ANKS1B: variants seen among roughly 807,000 people sequenced by gnomAD.
ANKS1B encodes ankyrin repeat and sterile alpha motif domain containing 1B.
Under a neutral mutation model 148.3 loss-of-function variants are expected in ANKS1B, and 36 were observed. That is an observed-to-expected ratio of 0.24 (90% confidence interval 0.19 to 0.32). The LOEUF is 0.32. Ranked by LOEUF, ANKS1B falls within the 10% of genes least tolerant of loss-of-function variation. The pLI, the probability that ANKS1B is intolerant of heterozygous loss-of-function variation, is 1.00. For missense variants in ANKS1B, 1,157 were observed against 1,542.6 expected (o/e 0.75, Z 4.19); for synonymous variants, 542 against 560.8 (o/e 0.97, Z 0.47).
chr12:99,388,547 T>C (rs2093958152), intron 12 of ANKS1B, among the ~76,000 whole-genome samples: 1 of 152,100 alleles, frequency 6.6e-6, no homozygotes, highest in Admixed American at 6.5e-5. Flanking sequence ...GAGCATGGGA[T>C]ATGTTTGTTT....
chr12:99,425,786 C>G (rs1234167624), intron 11 of ANKS1B, among the ~76,000 whole-genome samples: 2 of 151,710 alleles, frequency 1.3e-5, no homozygotes, highest in Non-Finnish European at 2.9e-5. Context: ...TTCTTTGTGG[C>G]CTTCTAAGAG....
chr12:99,107,491 A>G (rs2059464651), intron 15 of ANKS1B, among the ~76,000 whole-genome samples: 1 of 152,240 alleles, frequency 6.6e-6, no homozygotes, highest in Admixed American at 6.5e-5. Context: ...TGGGGTATCC[A>G]TTTCTATAAA....
chr12:99,550,048 A>T (rs867911922), intron 9 of ANKS1B, among the ~76,000 whole-genome samples: 48 of 151,816 alleles, frequency 3.2e-4, no homozygotes, highest in Non-Finnish European at 1.9e-4. Context: ...TGTCCAATAA[A>T]CCTGTGTTGT....
intron 12 of ANKS1B, among the ~76,000 whole-genome samples, chr12:99,317,877 G>A (rs544930079): frequency 1.2e-4 from 19 of 152,198 alleles, no homozygotes; most frequent in Admixed American, 2.6e-4. Context: ...AGCATGAAGC[G>A]TTGTTGAATT....
intron 9 of ANKS1B, among the ~76,000 whole-genome samples, chr12:99,557,660 T>TGTCATTTCA (rs2097291587): frequency 6.6e-6 from 1 of 152,212 alleles, no homozygotes; most frequent in African/African-American, 2.4e-5. Flanking sequence ...ATTCTATGTC[T>TGTCATTTCA]GTCATTTCAG....
chr12:99,124,864 CAT>C (rs1487265133), intron 15 of ANKS1B, among the ~76,000 whole-genome samples: 2 of 152,020 alleles, frequency 1.3e-5, no homozygotes, highest in African/African-American at 4.8e-5. Context: ...GATGATAGGT[CAT>C]ATAAAATGAG....
intron 1 of ANKS1B, among the ~76,000 whole-genome samples, chr12:99,921,671 A>G (rs1030044412): frequency 6.6e-6 from 1 of 152,166 alleles, no homozygotes; most frequent in African/African-American, 2.4e-5. Context: ...ATGAACAGAA[A>G]AAAATCTGTT....
At chr12:99,898,882 T>C (rs2153762906) in intron 1 of ANKS1B, among the ~76,000 whole-genome samples, 1 of 152,330 alleles carries the variant, frequency 6.6e-6, no homozygotes, top group Non-Finnish European at 1.5e-5. Flanking sequence ...TTCACATTTA[T>C]TTAGGCTTTC....
At chr12:99,709,985 A>ATG (rs1214420644) in intron 8 of ANKS1B, among the ~76,000 whole-genome samples, 1 of 152,144 alleles carries the variant, frequency 6.6e-6, no homozygotes, top group Non-Finnish European at 1.5e-5. Context: ...TCATCCTCAG[A>ATG]TGTAGCCTTA....
At chr12:99,665,519 G>A (rs965823901) in intron 8 of ANKS1B, among the ~76,000 whole-genome samples, 1 of 149,840 alleles carries the variant, frequency 6.7e-6, no homozygotes, top group African/African-American at 2.5e-5. Context: ...GTATCACTCT[G>A]TTGCCCAGGC....
intron 1 of ANKS1B, among the ~76,000 whole-genome samples, chr12:99,876,953 C>T (rs1354461532): frequency 3.3e-5 from 5 of 152,172 alleles, no homozygotes; most frequent in African/African-American, 1.2e-4. Context: ...TCAAGGTTCT[C>T]TCAGTCCCAG....
chr12:99,791,495 C>T (rs2065647706), intron 4 of ANKS1B, among the ~76,000 whole-genome samples: 1 of 151,800 alleles, frequency 6.6e-6, no homozygotes, highest in South Asian at 2.1e-4. Flanking sequence ...CAAGGACAGA[C>T]CACATGTTAG....
chr12:99,243,672 A>T (rs1161130479), intron 14 of ANKS1B, among the ~76,000 whole-genome samples: 2 of 152,252 alleles, frequency 1.3e-5, no homozygotes, highest in Non-Finnish European at 2.9e-5. Context: ...TGTGGCACAT[A>T]TACACCATGG....
intron 17 of ANKS1B, among the ~76,000 whole-genome samples, chr12:98,955,627 C>T (rs1383829612): frequency 1.4e-4 from 22 of 152,128 alleles, no homozygotes; most frequent in Non-Finnish European, 4.4e-5. Context: ...TCCGAGAGTA[C>T]AGCCAACAGG....
intron 11 of ANKS1B, among the ~76,000 whole-genome samples, chr12:99,409,191 T>C (rs2094606918): frequency 6.6e-6 from 1 of 152,190 alleles, no homozygotes; most frequent in Non-Finnish European, 1.5e-5. Context: ...GATCCTGTCA[T>C]TTGCAACAAC....
intron 14 of ANKS1B, among the ~76,000 whole-genome samples, chr12:99,163,041 G>C (rs1241941782): frequency 2.6e-5 from 4 of 150,976 alleles, no homozygotes; most frequent in Admixed American, 6.6e-5. Context: ...CTGGGCGACA[G>C]AGCGAGACTC....
intron 4 of ANKS1B, among the ~76,000 whole-genome samples, chr12:99,785,634 T>C (rs1452856888): frequency 6.6e-6 from 1 of 152,110 alleles, no homozygotes; most frequent in Non-Finnish European, 1.5e-5. Context: ...GCTTTCACCA[T>C]GTTGACCAGG....
intron 9 of ANKS1B, among the ~76,000 whole-genome samples, chr12:98,738,243 G>A (rs1411014201): frequency 6.6e-6 from 1 of 152,224 alleles, no homozygotes; most frequent in East Asian, 1.9e-4. Context: ...TCAGGAAAAT[G>A]AGTCACTGGT....
intron 1 of ANKS1B, among the ~76,000 whole-genome samples, chr12:99,930,172 G>C (rs11110134): frequency 0.6 from 88,458 of 148,564 alleles, 27,557 homozygotes; most frequent in Middle Eastern, 0.7. Flanking sequence ...CTTTTATTTC[G>C]TTGAGCAGTG....
Sources: gnomAD v4.1 joint callset for allele counts (sites outside exome capture counted in the v4.1 genomes callset) on GRCh38, gnomAD v4.1.1 for gene constraint, MANE v1.5 for transcripts, NCBI Gene and HGNC (gene_info 2026-07-23, HGNC 2026-07-21) for gene names.